ASAP1: variants seen among roughly 807,000 people sequenced by gnomAD.
ASAP1 encodes the protein arf-GAP with SH3 domain, ANK repeat and PH domain-containing protein 1.
Under a neutral mutation model 145.2 loss-of-function variants are expected in ASAP1, and 43 were observed. The observed-to-expected ratio is 0.30, with a 90% confidence interval of 0.23 to 0.38. ASAP1 has a LOEUF of 0.38. Ranked by LOEUF, ASAP1 falls within the 10% of genes least tolerant of loss-of-function variation. The pLI, the probability that ASAP1 is intolerant of heterozygous loss-of-function variation, is 1.00. For missense variants in ASAP1, 1,018 were observed against 1,355.3 expected (o/e 0.75, Z 3.91); for synonymous variants, 546 against 515.5 (o/e 1.06, Z -0.80).
rs1043981218 is a variant in ASAP1 at position 130,115,620 on chromosome 8, A to G, written c.2172+8T>C. The G allele has an allele frequency of 6.9e-6, 11 of 1,604,020 alleles. No homozygotes were observed. The highest frequency in any genetic ancestry group is 9.4e-6 in the Non-Finnish European group (11 of 1,171,160). On this transcript the variant is annotated splice_region_variant and intron_variant, in intron 23 of 29. Coordinates refer to ENST00000518721, the MANE Select transcript of ASAP1 (RefSeq NM_018482.4). ...TGTTGAGAATTCGAGGACATAATTT[A>G]CACTCACTTTGTCATCCAGATCATC...
intron 27 of ASAP1, among the ~76,000 whole-genome samples, chr8:130,063,807 G>A (rs781757580): frequency 2.6e-5 from 4 of 152,120 alleles, no homozygotes; most frequent in Non-Finnish European, 5.9e-5. Context: ...GGCATGTGCC[G>A]TGCCCAGCAC....
intron 3 of ASAP1, among the ~76,000 whole-genome samples, chr8:130,247,211 T>A (rs1818904637): frequency 6.8e-6 from 1 of 146,250 alleles, no homozygotes; most frequent in Non-Finnish European, 1.5e-5. Flanking sequence ...CTTTCCCCAA[T>A]GGTCCTCAGA....
chr8:130,280,606 A>G (rs185371118), intron 3 of ASAP1, among the ~76,000 whole-genome samples: 13 of 152,362 alleles, frequency 8.5e-5, no homozygotes, highest in Admixed American at 3.9e-4. Context: ...GCATTATCCA[A>G]ATCAACAAAA....
At chr8:130,332,031 A>G (rs562021972) in intron 3 of ASAP1, among the ~76,000 whole-genome samples, 1 of 152,342 alleles carries the variant, frequency 6.6e-6, no homozygotes, top group Admixed American at 6.5e-5. Flanking sequence ...CAGAGAAGAG[A>G]AGTTATCACT....
At chr8:130,435,064 G>C (rs1830264137) in intron 1 of ASAP1, among the ~76,000 whole-genome samples, 1 of 152,130 alleles carries the variant, frequency 6.6e-6, no homozygotes, top group African/African-American at 2.4e-5. Context: ...AGACAAGACT[G>C]ACCCCTTACC....
intron 1 of ASAP1, among the ~76,000 whole-genome samples, chr8:130,403,292 G>GT (rs992999127): frequency 1.9e-4 from 25 of 129,632 alleles, no homozygotes; most frequent in South Asian, 1.1e-3. Flanking sequence ...TTTAACAAGT[G>GT]TTTTTTTTTA....
At chr8:130,278,164 TAGAC>T (rs1197505914) in intron 3 of ASAP1, among the ~76,000 whole-genome samples, 10 of 152,302 alleles carry the variant, frequency 6.6e-5, no homozygotes, top group African/African-American at 2.2e-4. Context: ...TCTATGATGT[TAGAC>T]AGCATAAAGG....
chr8:130,077,537 C>CTTTTTTT (rs58327713), intron 26 of ASAP1, among the ~76,000 whole-genome samples: 1 of 62,028 alleles, frequency 1.6e-5, no homozygotes. Context: ...GCTGCTGCTG[C>CTTTTTTT]TTTTTTTTTT....
Position 130,402,119 on chromosome 8 carries a change from G to A in ASAP1, c.-27-149C>T, listed in dbSNP as rs140256710. ...CCACAGAGTGGCTGTCCAGAAATAT[G>A]AAGGAAACTACTATTTCAGCTTCCT... On this transcript the variant is annotated intron_variant, in intron 1 of 29. Transcript: ENST00000518721. 1,118 of 563,178 alleles carry A rather than the reference G, an allele frequency of 2.0e-3. 14 individuals are homozygous for A. Among genetic ancestry groups the A allele is most frequent in the African/African-American group, 0.018 (968 of 53,076 alleles). 34.9% of individuals were successfully genotyped at this position (563,178 alleles called of 1,614,324 possible).
intron 3 of ASAP1, among the ~76,000 whole-genome samples, chr8:130,255,138 T>C (rs1465151090): frequency 6.6e-6 from 1 of 152,178 alleles, no homozygotes; most frequent in Non-Finnish European, 1.5e-5. Flanking sequence ...GATATTTATA[T>C]TGCTAAAAGC....
At chr8:130,345,181 G>A (rs562935285) in intron 3 of ASAP1, among the ~76,000 whole-genome samples, 15 of 152,232 alleles carry the variant, frequency 9.9e-5, no homozygotes, top group Admixed American at 5.2e-4. Context: ...ATAACAGAGC[G>A]CAGAAATGCT....
At chr8:130,409,087 C>T (rs1042159151) in intron 1 of ASAP1, among the ~76,000 whole-genome samples, 1 of 152,060 alleles carries the variant, frequency 6.6e-6, no homozygotes. Flanking sequence ...CATGGTGAAA[C>T]CCCATCTCTA....
intron 5 of ASAP1, chr8:130,195,347 G>A (rs968159788): frequency 3.5e-5 from 5 of 142,454 alleles, no homozygotes; most frequent in Non-Finnish European, 3.0e-5. Flanking sequence ...GAACAGCCTG[G>A]GAAGTATAGC....
At position 130,358,638 on chromosome 8, in the gene ASAP1, G is replaced by A. The variant is rs1326295329; in HGVS notation, c.60-495C>T. On this transcript the variant is annotated intron_variant, in intron 2 of 29. Coordinates refer to ENST00000518721, the MANE Select transcript of ASAP1 (RefSeq NM_018482.4). The surrounding 1 kb of genome is among the most constrained non-coding windows in gnomAD (Gnocchi z 4.1). ...GCGGGCGGGCGGGCGGGCGGCGCTC[G>A]CGCTGCAGTCACGGGGCCAAACAAG... 6.8e-6 allele frequency among the ~76,000 whole-genome samples: 1 copy of A among 147,096 alleles called. No homozygotes were observed. The highest frequency in any genetic ancestry group is 2.1e-4 in the South Asian group (1 of 4,820).
intron 15 of ASAP1, among the ~76,000 whole-genome samples, chr8:130,130,290 T>G (rs560248043): frequency 6.6e-6 from 1 of 152,228 alleles, no homozygotes; most frequent in South Asian, 2.1e-4. Context: ...CCTAAGGTTC[T>G]AGGCTGGATT....
intron 25 of ASAP1, among the ~76,000 whole-genome samples, chr8:130,091,604 G>A (rs1592778418): frequency 6.6e-6 from 1 of 152,216 alleles, no homozygotes. Context: ...GTGACCATGA[G>A]CTGATTTACA....
At chr8:130,133,999 C>T (rs905107462) in intron 15 of ASAP1, among the ~76,000 whole-genome samples, 2 of 152,206 alleles carry the variant, frequency 1.3e-5, no homozygotes, top group African/African-American at 2.4e-5. Flanking sequence ...TGCAGACATG[C>T]ACCACAGGAT....
intron 3 of ASAP1, among the ~76,000 whole-genome samples, chr8:130,303,383 T>C (rs544611064): frequency 6.6e-6 from 1 of 152,300 alleles, no homozygotes; most frequent in African/African-American, 2.4e-5. Context: ...GATGACTCTT[T>C]GTTGCGGGGG....
intron 11 of ASAP1, chr8:130,167,327 T>A: frequency 1.6e-6 from 1 of 611,122 alleles, no homozygotes. Flanking sequence ...AAAAAAAAAA[T>A]CCAGAGTCAT....
Sources: gnomAD v4.1 joint callset for allele counts (sites outside exome capture counted in the v4.1 genomes callset) on GRCh38, gnomAD v4.1.1 for gene constraint, Gnocchi (gnomAD v3.1) non-coding constraint, MANE v1.5 for transcripts, NCBI Gene and HGNC (gene_info 2026-07-23, HGNC 2026-07-21) for gene names.